The following GATA4 variants were observed in gnomAD, a reference collection of about 807,000 sequenced individuals.
GATA4 encodes the protein transcription factor GATA-4.
A neutral mutation model predicts 37.9 loss-of-function variants in GATA4; 7 were observed. The ratio of observed to expected loss-of-function variants is 0.18; its 90% confidence interval spans 0.11 to 0.35. The LOEUF is 0.35. Among genes scored for constraint, GATA4 ranks in the 10% least tolerant of loss-of-function variants. The pLI is 1.00. For missense variants in GATA4, 647 were observed against 653.0 expected (o/e 0.99, Z 0.10); for synonymous variants, 372 against 292.6 (o/e 1.27, Z -2.77).
chr8:11,748,674 C>G (rs1362776708), intron 2 of GATA4, among the ~76,000 whole-genome samples: 1 of 152,128 alleles, frequency 6.6e-6, no homozygotes, highest in African/African-American at 2.4e-5. Context: ...CCTCCCAGCC[C>G]AGGACGTGGG....
chr8:11,732,284 A>C (rs937107514), intron 2 of GATA4, among the ~76,000 whole-genome samples: 2 of 152,230 alleles, frequency 1.3e-5, no homozygotes, highest in African/African-American at 4.8e-5. Flanking sequence ...ATTTGTAAAA[A>C]GGCAGATGGA....
intron 1 of GATA4, among the ~76,000 whole-genome samples, chr8:11,679,933 T>C (rs1353800991): frequency 2.0e-5 from 3 of 152,210 alleles, no homozygotes; most frequent in Admixed American, 6.5e-5. Context: ...CCGAATAGTT[T>C]ACAAACTCTT....
chr8:11,744,901 C>T (rs574538126), intron 2 of GATA4, among the ~76,000 whole-genome samples: 2 of 152,240 alleles, frequency 1.3e-5, no homozygotes, highest in East Asian at 3.9e-4. Context: ...TGCCATGAGT[C>T]CCCCACTCTG....
In GATA4 at chr8:11,708,992, C is replaced by G. The variant is rs369516948; in HGVS notation, c.616+64C>G. On this transcript the variant is annotated intron_variant, in intron 2 of 6. Coordinates refer to ENST00000532059, the MANE Select transcript of GATA4 (RefSeq NM_001308093.3). This position sits in a 1 kb window ranked among gnomAD's most constrained non-coding sequence, Gnocchi z 6.7. ...GGGCAGGGGCCGTCTTGAGCCCTGT[C>G]GAGGGCCTCTTGTTTTTCCACCAAC... is the stretch of plus-strand genomic sequence containing the variant. 2.9e-5 allele frequency: 43 copies of G among 1,460,104 alleles called. No homozygotes were observed. Among genetic ancestry groups the G allele is most frequent in the African/African-American group, 5.8e-5 (4 of 69,032 alleles). The allele number at this position is 1,460,104 out of a possible 1,614,324, so 90.4% of individuals were successfully genotyped here. A position where few individuals can be genotyped will look rare whatever the true frequency, so the allele number is the denominator to read the frequency against.
chr8:11,717,066 G>C (rs544169989), intron 2 of GATA4, among the ~76,000 whole-genome samples: 13 of 152,278 alleles, frequency 8.5e-5, no homozygotes, highest in African/African-American at 3.1e-4. Flanking sequence ...GGCTCTGTTG[G>C]GAAGGAGTAT....
chr8:11,707,634 CCCTGGGGCGCCTCTCCCCAGGCTTG>C lies in GATA4; in HGVS notation c.-457-215_-457-191del, dbSNP rs1799950712. Among the ~76,000 whole-genome samples, 2 of 152,196 alleles carry C rather than the reference CCCTGGGGCGCCTCTCCCCAGGCTTG, an allele frequency of 1.3e-5. No homozygotes were observed. The highest frequency in any genetic ancestry group is 1.3e-4 in the Admixed American group (2 of 15,292). ...ACCAAAGACCCGGGAAGCCCCTGGT[CCCTGGGGCGCCTCTCCCCAGGCTTG>C]CCTGGGCCGCCTGACCCAACGCCTG... On this transcript the variant is annotated intron_variant, in intron 1 of 6. Transcript: ENST00000532059. The surrounding 1 kb of genome is among the most constrained non-coding windows in gnomAD (Gnocchi z 4.7).
At chr8:11,756,578 G>T (rs1802579199) in intron 5 of GATA4, 1 of 369,504 alleles carries the variant, frequency 2.7e-6, no homozygotes, top group Non-Finnish European at 5.2e-6. Context: ...TTGCTGTGGG[G>T]ATATTATTGT....
chr8:11,691,311 C>T (rs1479749913), upstream of GATA4, among the ~76,000 whole-genome samples: 3 of 152,158 alleles, frequency 2.0e-5, no homozygotes, highest in African/African-American at 4.8e-5. Flanking sequence ...CTGGTGTTCC[C>T]ACCCTAAGAG....
intron 1 of GATA4, chr8:11,697,978 A>C: frequency 2.0e-6 from 2 of 985,418 alleles, no homozygotes; most frequent in Non-Finnish European, 2.4e-6. Flanking sequence ...GGGTGTCCCT[A>C]CCATAACCAC....
At chr8:11,678,358 CA>C (rs1370365859) in intron 1 of GATA4, among the ~76,000 whole-genome samples, 2 of 152,260 alleles carry the variant, frequency 1.3e-5, no homozygotes, top group African/African-American at 4.8e-5. Context: ...TTTCCATCTC[CA>C]GCAGCCCCAC....
chr8:11,691,012 TAC>T (rs1799295769), upstream of GATA4, among the ~76,000 whole-genome samples: 1 of 152,242 alleles, frequency 6.6e-6, no homozygotes, highest in South Asian at 2.1e-4. Context: ...CGGGGCAAGT[TAC>T]TTAATAGTTT....
intron 2 of GATA4, among the ~76,000 whole-genome samples, chr8:11,743,427 A>G (rs1801858651): frequency 6.6e-6 from 1 of 152,214 alleles, no homozygotes; most frequent in Admixed American, 6.5e-5. Flanking sequence ...GCTCAACACC[A>G]GCTCTCCCCA....
chr8:11,757,103 C>A lies in GATA4; in HGVS notation c.1149+20C>A. On this transcript the variant is annotated intron_variant, in intron 6 of 6. Transcript: ENST00000532059. ...TCCCAGGTACGCGCCATGGCTGGGG[C>A]GCCAGGGCTGTTTGTGGGGAGGCCG... 2 of 1,612,274 alleles carry A rather than the reference C, an allele frequency of 1.2e-6. No individual in the cohort carries two copies. The highest frequency in any genetic ancestry group is 1.7e-6 in the Non-Finnish European group (2 of 1,178,592).
At chr8:11,722,727 A>G (rs2409808) in intron 2 of GATA4, among the ~76,000 whole-genome samples, 127,099 of 152,186 alleles carry the variant, frequency 0.84, 53,181 homozygotes, top group Middle Eastern at 0.87. Context: ...TGATGGGAAA[A>G]ATAGGCACAC....
At position 11,694,475 on chromosome 8, in the gene GATA4, G is replaced by T. The variant is rs183327850; in HGVS notation, c.-729+1815G>T. The T allele has an allele frequency of 1.7e-4, 168 of 985,378 alleles. No homozygotes were observed. The African/African-American group carries it at 2.9e-3, about 17-fold the overall frequency. The allele number at this position is 985,378 out of a possible 1,614,324, so 61.0% of individuals were successfully genotyped here. A position where few individuals can be genotyped will look rare whatever the true frequency, so the allele number is the denominator to read the frequency against. On this transcript the variant is annotated intron_variant, in intron 1 of 2. Transcript: ENST00000526974. ...CATTGCGCTGCCACCAGCTCTCCGA[G>T]CCGTGGACTGCATCCTCATCACTTC... is the stretch of plus-strand genomic sequence containing the variant.
At chr8:11,701,848 G>C (rs1189140954), upstream of GATA4, among the ~76,000 whole-genome samples, 1 of 151,978 alleles carries the variant, frequency 6.6e-6, no homozygotes, top group Non-Finnish European at 1.5e-5. Flanking sequence ...TAAAGGACCG[G>C]GGTGGTGGGG....
In GATA4 at chr8:11,757,091, C is replaced by T. The variant is rs1490422997; in HGVS notation, c.1149+8C>T. 5.0e-6 allele frequency: 8 copies of T among 1,613,248 alleles called. No homozygotes were observed. Among genetic ancestry groups the T allele is most frequent in the Non-Finnish European group, 6.8e-6 (8 of 1,179,424 alleles). On this transcript the variant is annotated splice_region_variant and intron_variant, in intron 6 of 6. Coordinates refer to ENST00000532059, the MANE Select transcript of GATA4 (RefSeq NM_001308093.3). Reference sequence around the variant, plus strand: ...AGCAGCTCCGTGTCCCAGGTACGCGCCATGGCTGGGGCGCCAGGGCTGTTT... The same window carrying T: ...AGCAGCTCCGTGTCCCAGGTACGCGTCATGGCTGGGGCGCCAGGGCTGTTT...
rs575365762 is a variant in GATA4, at chr8:11,735,069, A to G, written c.617-13847A>G. Among the ~76,000 whole-genome samples the G allele has an allele frequency of 3.9e-5, 6 of 152,390 alleles. No homozygotes were observed. In the South Asian group the frequency reaches 1.2e-3, roughly 32 times the overall value. On this transcript the variant is annotated intron_variant, in intron 2 of 6. Coordinates refer to ENST00000532059, the MANE Select transcript of GATA4 (RefSeq NM_001308093.3). ...ACATAATAGGCAAAAAAGAGACTGGAATTGTGGGTTACACAGAGGCATCTA... is the reference window on the plus strand; with the variant it reads ...ACATAATAGGCAAAAAAGAGACTGGGATTGTGGGTTACACAGAGGCATCTA...
intron 2 of GATA4, among the ~76,000 whole-genome samples, chr8:11,746,938 G>A (rs912460497): frequency 9.2e-5 from 14 of 152,220 alleles, no homozygotes; most frequent in Non-Finnish European, 1.9e-4. Flanking sequence ...GCAAATGACT[G>A]TTTGTGTACC....
Sources: allele counts gnomAD v4.1 joint callset (sites outside exome capture counted in the v4.1 genomes callset), GRCh38; gene constraint gnomAD v4.1.1; non-coding constraint Gnocchi (gnomAD v3.1); transcripts MANE v1.5; gene names NCBI Gene and HGNC (gene_info 2026-07-23, HGNC 2026-07-21).